CCSER1: variants seen among roughly 807,000 people sequenced by gnomAD.
The protein encoded by CCSER1 is coiled-coil serine rich protein 1.
Under a neutral mutation model 82.0 loss-of-function variants are expected in CCSER1, and 41 were observed. The observed-to-expected ratio is 0.50, with a 90% CI of 0.39 to 0.65. The LOEUF (loss-of-function observed/expected upper bound fraction) is 0.65, where lower values mean the gene tolerates loss of function less well. Ranked by LOEUF, CCSER1 falls within the 30% of genes least tolerant of loss-of-function variation. The pLI is 0.00. For missense variants in CCSER1, 1,119 were observed against 1,064.2 expected (o/e 1.05, Z -0.72); for synonymous variants, 414 against 383.9 (o/e 1.08, Z -0.92).
At chr4:90,231,286 G>A (rs1449601603) in intron 1 of CCSER1, among the ~76,000 whole-genome samples, 2 of 151,964 alleles carry the variant, frequency 1.3e-5, no homozygotes, top group Non-Finnish European at 2.9e-5. Flanking sequence ...GATCAAGTGG[G>A]TTCATCCCTG....
At chr4:91,538,692 T>TATATATATATA (rs1761423473) in intron 10 of CCSER1, among the ~76,000 whole-genome samples, 1 of 41,588 alleles carries the variant, frequency 2.4e-5, no homozygotes, top group African/African-American at 1.0e-4. Context: ...ATATATTATA[T>TATATATATATA]ATACACATAT....
chr4:91,465,002 G>A (rs745545157), intron 10 of CCSER1, among the ~76,000 whole-genome samples: 1 of 152,142 alleles, frequency 6.6e-6, no homozygotes, highest in Non-Finnish European at 1.5e-5. Context: ...GCACCAAGTG[G>A]ACCGAATAGA....
At chr4:90,326,798 G>A (rs1202778844) in intron 3 of CCSER1, among the ~76,000 whole-genome samples, 4 of 152,116 alleles carry the variant, frequency 2.6e-5, no homozygotes, top group South Asian at 2.1e-4. Context: ...TTCGGCATCC[G>A]ATGAGCCCTG....
At chr4:91,185,872 G>A (rs1488259045) in intron 10 of CCSER1, among the ~76,000 whole-genome samples, 1 of 152,130 alleles carries the variant, frequency 6.6e-6, no homozygotes, top group Non-Finnish European at 1.5e-5. Context: ...GCCATTGCCT[G>A]TACTAGCCAA....
chr4:91,125,953 A>C (rs1581603360), intron 10 of CCSER1, among the ~76,000 whole-genome samples: 1 of 151,780 alleles, frequency 6.6e-6, no homozygotes, highest in Middle Eastern at 3.4e-3. Context: ...CATTTAAAAA[A>C]ATTTGCTTTC....
At chr4:90,606,866 A>G (rs1349832304) in intron 5 of CCSER1, among the ~76,000 whole-genome samples, 1 of 152,204 alleles carries the variant, frequency 6.6e-6, no homozygotes, top group Non-Finnish European at 1.5e-5. Context: ...ATAAATATTA[A>G]TGTTGGCATT....
At chr4:91,310,368 A>T (rs900451380) in intron 10 of CCSER1, among the ~76,000 whole-genome samples, 1 of 149,622 alleles carries the variant, frequency 6.7e-6, no homozygotes, top group Admixed American at 6.8e-5. Context: ...ATACACGAAC[A>T]CTAACAATAG....
chr4:91,302,968 G>T (rs957812302), intron 10 of CCSER1, among the ~76,000 whole-genome samples: 1 of 151,822 alleles, frequency 6.6e-6, no homozygotes, highest in African/African-American at 2.4e-5. Context: ...ACTTTTTCTG[G>T]TTTACTCATC....
At chr4:90,961,068 C>A (rs1231436792) in intron 9 of CCSER1, among the ~76,000 whole-genome samples, 1 of 152,132 alleles carries the variant, frequency 6.6e-6, no homozygotes, top group Admixed American at 6.6e-5. Context: ...CAGAATTGCC[C>A]TAATGTTGAC....
At chr4:90,596,359 T>C (rs1052968589) in intron 5 of CCSER1, among the ~76,000 whole-genome samples, 1 of 151,918 alleles carries the variant, frequency 6.6e-6, no homozygotes, top group Non-Finnish European at 1.5e-5. Flanking sequence ...TCATATCTGA[T>C]TTTCATTATG....
At chr4:91,009,700 G>A (rs968491166) in intron 9 of CCSER1, among the ~76,000 whole-genome samples, 4 of 151,816 alleles carry the variant, frequency 2.6e-5, no homozygotes, top group African/African-American at 9.7e-5. Flanking sequence ...TTGTTATGAG[G>A]CTTACATAAA....
rs192171854 is a variant in CCSER1, at chr4:91,293,117, T to C, written c.2217+207123T>C. Among the ~76,000 whole-genome samples, 240 of 151,948 alleles carry C rather than the reference T, an allele frequency of 1.6e-3. 1 individual carries two copies. The highest frequency in any genetic ancestry group is 5.5e-3 in the African/African-American group (228 of 41,488). Reference sequence around the variant, plus strand: ...AAATTTGAAAAGAATAAATGTAAAATCTGGAGACAAAAAAAATGCACTGAG... The same window carrying C: ...AAATTTGAAAAGAATAAATGTAAAACCTGGAGACAAAAAAAATGCACTGAG... On this transcript the variant is annotated intron_variant, in intron 10 of 10. Coordinates refer to ENST00000509176, the MANE Select transcript of CCSER1 (RefSeq NM_001145065.2).
At chr4:90,747,811 C>T (rs1048841556) in intron 7 of CCSER1, among the ~76,000 whole-genome samples, 2 of 127,594 alleles carry the variant, frequency 1.6e-5, no homozygotes, top group African/African-American at 5.8e-5. Context: ...CCTCCCCCCA[C>T]TCCACAACAG....
At chr4:91,412,885 C>T (rs929316814) in intron 10 of CCSER1, among the ~76,000 whole-genome samples, 1 of 151,810 alleles carries the variant, frequency 6.6e-6, no homozygotes, top group African/African-American at 2.4e-5. Context: ...AAGGGGGGAT[C>T]TATGAATTGC....
intron 9 of CCSER1, among the ~76,000 whole-genome samples, chr4:90,944,372 A>G (rs1001441941): frequency 6.6e-6 from 1 of 152,176 alleles, no homozygotes; most frequent in Non-Finnish European, 1.5e-5. Flanking sequence ...TACCAATCAG[A>G]TATCTTACCC....
intron 1 of CCSER1, among the ~76,000 whole-genome samples, chr4:90,172,418 G>A (rs1319159283): frequency 6.6e-6 from 1 of 151,802 alleles, no homozygotes; most frequent in African/African-American, 2.4e-5. Context: ...ACCGTAGAAA[G>A]ATTCTTTTAG....
chr4:90,826,390 C>T (rs748255159), intron 8 of CCSER1, among the ~76,000 whole-genome samples: 2 of 152,016 alleles, frequency 1.3e-5, no homozygotes, highest in African/African-American at 2.4e-5. Context: ...CAGTCTGAGC[C>T]GGGGACTTTG....
intron 10 of CCSER1, among the ~76,000 whole-genome samples, chr4:91,511,281 T>A (rs1440146584): frequency 2.6e-5 from 4 of 152,146 alleles, no homozygotes; most frequent in African/African-American, 9.7e-5. Context: ...TTCTTATTTT[T>A]CTTAGACTTG....
At chr4:91,183,778 T>C (rs940571972) in intron 10 of CCSER1, among the ~76,000 whole-genome samples, 1 of 152,312 alleles carries the variant, frequency 6.6e-6, no homozygotes, top group East Asian at 1.9e-4. Flanking sequence ...ATTTGAGGCT[T>C]ATGGACTTGC....
Sources: gnomAD v4.1 joint callset for allele counts (sites outside exome capture counted in the v4.1 genomes callset) on GRCh38, gnomAD v4.1.1 for gene constraint, MANE v1.5 for transcripts, NCBI Gene and HGNC (gene_info 2026-07-23, HGNC 2026-07-21) for gene names.